Variants in ZNG1B observed in about 807,000 individuals in gnomAD.
ZNG1B encodes zinc-regulated GTPase metalloprotein activator 1B.
the ZNG1B span, among the ~76,000 whole-genome samples, chr2:113,447,054 T>G: frequency 7.0e-6 from 1 of 143,844 alleles, no homozygotes; most frequent in Non-Finnish European, 1.5e-5. Flanking sequence ...TATTGTGGGC[T>G]TAGTTCCATA....
the ZNG1B span, among the ~76,000 whole-genome samples, chr2:113,450,030 A>C: frequency 1.3e-5 from 2 of 148,970 alleles, no homozygotes. Context: ...ACTGTAGAAA[A>C]GTCTGATTTT....
At chr2:113,479,177 A>C in the ZNG1B span, among the ~76,000 whole-genome samples, 5 of 139,280 alleles carry the variant, frequency 3.6e-5, no homozygotes, top group African/African-American at 1.1e-4. Context: ...TGTGTAAGGT[A>C]AAAATGACTA....
At chr2:113,438,309 C>G in the ZNG1B span, among the ~76,000 whole-genome samples, 1 of 152,190 alleles carries the variant, frequency 6.6e-6, no homozygotes, top group African/African-American at 2.4e-5. Context: ...TCTCTGTGAC[C>G]TCCTACCAAG....
the ZNG1B span, among the ~76,000 whole-genome samples, chr2:113,450,122 T>C: frequency 6.6e-6 from 1 of 151,668 alleles, no homozygotes; most frequent in Non-Finnish European, 1.5e-5. Context: ...TGAAATTCAG[T>C]AATATAAACA....
chr2:113,472,137 C>T, the ZNG1B span, among the ~76,000 whole-genome samples: 3 of 150,186 alleles, frequency 2.0e-5, no homozygotes, highest in Non-Finnish European at 4.4e-5. Context: ...ACATCCTCTC[C>T]AGCACCTGTT....
chr2:113,481,893 A>G, the ZNG1B span: 2 of 323,674 alleles, frequency 6.2e-6, no homozygotes, highest in South Asian at 4.2e-5. Flanking sequence ...ATTTACTGAC[A>G]TATTTAACCA....
chr2:113,448,736 C>T, the ZNG1B span, among the ~76,000 whole-genome samples: 2 of 151,954 alleles, frequency 1.3e-5, no homozygotes, highest in East Asian at 1.9e-4. Flanking sequence ...AACCCCATCT[C>T]GGCTAAAAAT....
the ZNG1B span, chr2:113,444,956 T>C: frequency 6.2e-7 from 1 of 1,609,888 alleles, no homozygotes; most frequent in South Asian, 1.1e-5. Context: ...TGTTTTGGTA[T>C]TCTCCAGGGA....
the ZNG1B span, among the ~76,000 whole-genome samples, chr2:113,444,685 A>G: frequency 6.6e-6 from 1 of 151,836 alleles, no homozygotes; most frequent in East Asian, 1.9e-4. Flanking sequence ...ATAAAGCTAT[A>G]AAAAGATACT....
the ZNG1B span, among the ~76,000 whole-genome samples, chr2:113,492,263 A>G: frequency 1.4e-5 from 2 of 140,226 alleles, 1 homozygote; most frequent in Non-Finnish European, 3.1e-5. Context: ...CAATGCGTGG[A>G]TAAAGTAACT....
chr2:113,452,116 C>T, the ZNG1B span, among the ~76,000 whole-genome samples: 6 of 152,194 alleles, frequency 3.9e-5, no homozygotes, highest in Non-Finnish European at 7.3e-5. Flanking sequence ...CTGAAAAGAA[C>T]GGACATTGAT....
chr2:113,443,521 G>A, the ZNG1B span, among the ~76,000 whole-genome samples: 7 of 148,286 alleles, frequency 4.7e-5, no homozygotes, highest in South Asian at 1.5e-3. Context: ...AGAGGCCTAA[G>A]GAGGAAGTAG....
chr2:113,445,802 T>A, the ZNG1B span, among the ~76,000 whole-genome samples: 1,139 of 148,240 alleles, frequency 7.7e-3, 25 homozygotes, highest in African/African-American at 0.027. Context: ...CATTATTTTT[T>A]TTTTTTTTTT....
chr2:113,444,824 G>A, the ZNG1B span: 1 of 1,156,198 alleles, frequency 8.6e-7, no homozygotes, highest in East Asian at 2.5e-5. Context: ...CATTTTGTTA[G>A]AAGGTTAGAA....
the ZNG1B span, among the ~76,000 whole-genome samples, chr2:113,449,322 T>C: frequency 1.3e-5 from 2 of 148,914 alleles, no homozygotes; most frequent in South Asian, 4.3e-4. Flanking sequence ...ACAACTTAGC[T>C]AACTGGCTCA....
the ZNG1B span, among the ~76,000 whole-genome samples, chr2:113,445,958 C>T: frequency 1.3e-5 from 2 of 152,042 alleles, no homozygotes; most frequent in African/African-American, 4.8e-5. Context: ...GTAATTAAAA[C>T]AATTACATAA....
the ZNG1B span, among the ~76,000 whole-genome samples, chr2:113,474,381 T>C: frequency 6.7e-6 from 1 of 148,654 alleles, no homozygotes. Flanking sequence ...TCTCTCTTTT[T>C]TTCTTTATTA....
the ZNG1B span, among the ~76,000 whole-genome samples, chr2:113,473,641 A>G: frequency 6.7e-6 from 1 of 149,874 alleles, no homozygotes; most frequent in South Asian, 2.1e-4. Context: ...GATAGCTCTT[A>G]TTATTTTGAA....
chr2:113,444,495 A>G, the ZNG1B span: 1 of 153,822 alleles, frequency 6.5e-6, no homozygotes, highest in Non-Finnish European at 1.4e-5. Context: ...CCAAAATATA[A>G]TCTATTAAGG....
Sources: gnomAD v4.1 joint callset for allele counts (sites outside exome capture counted in the v4.1 genomes callset) on GRCh38, gnomAD v4.1.1 for gene constraint, MANE v1.5 for transcripts, NCBI Gene and HGNC (gene_info 2026-07-23, HGNC 2026-07-21) for gene names.